SUMF1: variants seen among roughly 807,000 people sequenced by gnomAD.
SUMF1 encodes formylglycine-generating enzyme.
A neutral mutation model predicts 47.6 loss-of-function variants in SUMF1; 48 were observed. That is an observed-to-expected ratio of 1.01 (90% CI 0.80 to 1.28). The LOEUF is 1.28. SUMF1 is among the 50% of genes most tolerant of loss of function. The probability of loss-of-function intolerance (pLI) is 0.00; values close to 1 mark genes in which losing one functional copy is unlikely to be tolerated. For synonymous variants in SUMF1, 230 were observed against 192.1 expected (o/e 1.20, Z -1.63); for missense variants, 571 against 485.4 (o/e 1.18, Z -1.66).
chr3:4,088,713 T>C (rs1459320312), intron 8 of SUMF1, among the ~76,000 whole-genome samples: 1 of 152,136 alleles, frequency 6.6e-6, no homozygotes, highest in African/African-American at 2.4e-5. Context: ...CTGACATATA[T>C]AAATTTATTT....
chr3:4,253,424 G>T (rs1163245398), intron 8 of SUMF1, among the ~76,000 whole-genome samples: 1 of 152,236 alleles, frequency 6.6e-6, no homozygotes, highest in African/African-American at 2.4e-5. Flanking sequence ...ACGAGCGGAA[G>T]CAGGGCGAGG....
intron 9 of SUMF1, among the ~76,000 whole-genome samples, chr3:4,044,112 T>G (rs558317358): frequency 4.6e-5 from 7 of 152,130 alleles, no homozygotes; most frequent in African/African-American, 1.7e-4. Context: ...ATAATAATAG[T>G]TGTGTCTTCC....
rs995051155 is a variant in SUMF1, at chr3:4,379,368, G to C, written c.955-2979C>G. Among the ~76,000 whole-genome samples the C allele has an allele frequency of 4.6e-5, 7 of 152,296 alleles. 1 individual carries two copies. Among genetic ancestry groups the C allele is most frequent in the South Asian group, 2.1e-4 (1 of 4,824 alleles). On this transcript the variant is annotated intron_variant, in intron 7 of 8. Transcript: ENST00000272902. ...TAAGATGAGGAGAGGATGCACAGAG[G>C]AACACAGAGAAGTCTATGTGGTGAT...
At chr3:4,081,247 A>G (rs1025179620) in intron 8 of SUMF1, among the ~76,000 whole-genome samples, 2 of 152,034 alleles carry the variant, frequency 1.3e-5, no homozygotes, top group Non-Finnish European at 2.9e-5. Flanking sequence ...CCAGAACCCA[A>G]TTTTTCTAAA....
chr3:4,360,934 T>C (rs1040030658), downstream of SUMF1, among the ~76,000 whole-genome samples: 1 of 152,194 alleles, frequency 6.6e-6, no homozygotes, highest in Non-Finnish European at 1.5e-5. Flanking sequence ...TTATCTACTG[T>C]GGCAACAAGC....
intron 8 of SUMF1, among the ~76,000 whole-genome samples, chr3:4,073,607 C>T (rs1029630937): frequency 1.2e-4 from 18 of 152,116 alleles, no homozygotes; most frequent in African/African-American, 3.4e-4. Context: ...CATGCAAAGA[C>T]ACATATAGGC....
chr3:4,272,299 G>C (rs554561850), intron 8 of SUMF1, among the ~76,000 whole-genome samples: 1 of 152,356 alleles, frequency 6.6e-6, no homozygotes, highest in Non-Finnish European at 1.5e-5. Flanking sequence ...AAAACGCAGA[G>C]GCTGGGCTGT....
chr3:4,359,569 T>A (rs763450433), downstream of SUMF1, among the ~76,000 whole-genome samples: 3 of 152,168 alleles, frequency 2.0e-5, no homozygotes, highest in Non-Finnish European at 2.9e-5. Flanking sequence ...TTTAATTGAC[T>A]CACAGTTCCA....
intron 8 of SUMF1, among the ~76,000 whole-genome samples, chr3:4,124,329 T>C (rs1207801016): frequency 6.6e-6 from 1 of 152,142 alleles, no homozygotes; most frequent in Non-Finnish European, 1.5e-5. Context: ...TCTTGGAAAG[T>C]AGGAGAAGAT....
chr3:4,135,407 T>A (rs1231425876), intron 8 of SUMF1, among the ~76,000 whole-genome samples: 2 of 152,100 alleles, frequency 1.3e-5, no homozygotes, highest in Non-Finnish European at 2.9e-5. Context: ...GAAAAGGCCT[T>A]TGACAAAATT....
intron 8 of SUMF1, among the ~76,000 whole-genome samples, chr3:4,327,515 C>G (rs1281911836): frequency 6.6e-6 from 1 of 151,906 alleles, no homozygotes; most frequent in Non-Finnish European, 1.5e-5. Context: ...GTTAAAAACA[C>G]AATTGTCAAG....
chr3:4,345,887 T>C (rs990095559), intron 8 of SUMF1, among the ~76,000 whole-genome samples: 1 of 151,960 alleles, frequency 6.6e-6, no homozygotes, highest in African/African-American at 2.4e-5. Flanking sequence ...GTTGCAATCC[T>C]AGGCTCTGAC....
At chr3:4,382,665 C>G (rs1403238112) in intron 7 of SUMF1, among the ~76,000 whole-genome samples, 1 of 152,106 alleles carries the variant, frequency 6.6e-6, no homozygotes, top group Non-Finnish European at 1.5e-5. Flanking sequence ...GACTTGGAAC[C>G]AACCCAAACG....
rs569779983 is a variant in SUMF1 at position 4,071,051 on chromosome 3, G to C, written c.1015-2306C>G. Among the ~76,000 whole-genome samples the C allele has an allele frequency of 8.5e-5, 13 of 152,162 alleles. No individual in the cohort carries two copies. The South Asian group carries it at 2.7e-3, about 32-fold the overall frequency. ...TTTGTGTAGTATTTTCACTGTTCTG[G>C]TAGGAATAATACATATATATTTGTA... On this transcript the variant is annotated intron_variant and NMD_transcript_variant, in intron 8 of 12. Transcript: ENST00000448413.
At chr3:4,211,416 A>G (rs1253609735) in intron 8 of SUMF1, among the ~76,000 whole-genome samples, 2 of 151,640 alleles carry the variant, frequency 1.3e-5, no homozygotes, top group Admixed American at 1.3e-4. Context: ...AAGTGAGAAC[A>G]TGCAGTATTT....
At chr3:4,074,055 C>T (rs980453003) in intron 8 of SUMF1, among the ~76,000 whole-genome samples, 2 of 152,146 alleles carry the variant, frequency 1.3e-5, no homozygotes, top group African/African-American at 2.4e-5. Flanking sequence ...AGCACCACAT[C>T]ACACTTATTC....
At chr3:4,052,942 G>A (rs962998574) in intron 9 of SUMF1, among the ~76,000 whole-genome samples, 9 of 152,144 alleles carry the variant, frequency 5.9e-5, no homozygotes, top group African/African-American at 2.2e-4. Flanking sequence ...ATTCACTAGA[G>A]CGGCACTTTT....
chr3:4,271,925 C>T (rs1287627793), intron 8 of SUMF1, among the ~76,000 whole-genome samples: 2 of 152,162 alleles, frequency 1.3e-5, no homozygotes, highest in Non-Finnish European at 2.9e-5. Flanking sequence ...TCCTACATAG[C>T]CTCTGGTTGA....
chr3:4,181,316 CCTCTGCCAG>C, intron 8 of SUMF1, among the ~76,000 whole-genome samples: 1 of 152,300 alleles, frequency 6.6e-6, no homozygotes, highest in Admixed American at 6.5e-5. Flanking sequence ...CCGGATGAAC[CCTCTGCCAG>C]CTCAGTGATT....
Sources: gnomAD v4.1 joint callset for allele counts (sites outside exome capture counted in the v4.1 genomes callset) on GRCh38, gnomAD v4.1.1 for gene constraint, MANE v1.5 for transcripts, NCBI Gene and HGNC (gene_info 2026-07-23, HGNC 2026-07-21) for gene names.